The following PIK3C3 variants were observed in gnomAD, a reference collection of about 807,000 sequenced individuals.
The protein encoded by PIK3C3 is phosphatidylinositol 3-kinase catalytic subunit type 3.
Under a neutral mutation model 126.1 loss-of-function variants are expected in PIK3C3, and 95 were observed. That is an observed-to-expected ratio of 0.75 (90% CI 0.64 to 0.89). The LOEUF (loss-of-function observed/expected upper bound fraction) is 0.89, where lower values mean the gene tolerates loss of function less well. Ranked by LOEUF, PIK3C3 falls within the 40% of genes least tolerant of loss-of-function variation. PIK3C3 has a pLI of 0.00. For missense variants in PIK3C3, 829 were observed against 1,063.2 expected, an observed-to-expected ratio of 0.78 and a Z score of 3.06; for synonymous variants, 374 against 360.0, an observed-to-expected ratio of 1.04 and a Z score of -0.44.
chr18:42,057,830 C>G, intron 21 of PIK3C3, 53 bp from the exon 22 acceptor site: 2 of 1,506,690 alleles, frequency 1.3e-6, no homozygotes, highest in Non-Finnish European at 1.8e-6. Flanking sequence ...ATATCACCTA[C>G]CCAGTTCTTT....
chr18:42,007,891 ATT>A (rs1299751647), intron 10 of PIK3C3, among the ~76,000 whole-genome samples: 1 of 152,102 alleles, frequency 6.6e-6, no homozygotes, highest in African/African-American at 2.4e-5. Flanking sequence ...CGCTTTTAGT[ATT>A]TCACTCTAAT....
intron 10 of PIK3C3, among the ~76,000 whole-genome samples, chr18:42,012,532 T>G (rs1982876407): frequency 6.6e-6 from 1 of 152,176 alleles, no homozygotes; most frequent in Admixed American, 6.5e-5. Context: ...TAAAAATTTT[T>G]TGAGCTTTGC....
chr18:42,054,189 T>TATAA (rs1758953615), intron 21 of PIK3C3, among the ~76,000 whole-genome samples: 1 of 94,392 alleles, frequency 1.1e-5, no homozygotes, highest in Admixed American at 1.2e-4. Flanking sequence ...TATATATATA[T>TATAA]ATAAAGGGGA....
chr18:41,972,052 A>G (rs931921621), intron 4 of PIK3C3, among the ~76,000 whole-genome samples: 5 of 152,110 alleles, frequency 3.3e-5, no homozygotes, highest in Non-Finnish European at 7.4e-5. Flanking sequence ...TGTATGGAGT[A>G]TAATCATTGG....
At chr18:42,003,816 A>G (rs1037827653) in intron 9 of PIK3C3, among the ~76,000 whole-genome samples, 1 of 152,168 alleles carries the variant, frequency 6.6e-6, no homozygotes, top group Non-Finnish European at 1.5e-5. Flanking sequence ...CTTTTTAAGT[A>G]GTTACTTCAC....
intron 21 of PIK3C3, chr18:42,057,679 T>C (rs1437711254): frequency 2.0e-6 from 1 of 507,514 alleles, no homozygotes; most frequent in Non-Finnish European, 3.4e-6. Context: ...TAGTTTCGTG[T>C]GAACGAATGA....
At chr18:41,997,861 A>G (rs927976190) in intron 9 of PIK3C3, among the ~76,000 whole-genome samples, 3 of 152,306 alleles carry the variant, frequency 2.0e-5, no homozygotes, top group East Asian at 3.9e-4. Context: ...AGAGAATTAT[A>G]GAGAAAACAT....
intron 24 of PIK3C3, among the ~76,000 whole-genome samples, chr18:42,076,194 ACACATATATATATGCACATATATATATG>A (rs1356176301): frequency 2.0e-5 from 2 of 99,534 alleles, no homozygotes; most frequent in African/African-American, 1.2e-4. Context: ...ATATATATGC[ACACATATATATATGCACATATATATATG>A]CATATATATA....
intron 19 of PIK3C3, among the ~76,000 whole-genome samples, chr18:42,042,853 A>G (rs1012948096): frequency 2.0e-5 from 3 of 152,314 alleles, no homozygotes; most frequent in African/African-American, 4.8e-5. Context: ...CCAAACTTCA[A>G]ACTCTTCGTA....
chr18:41,993,041 T>G (rs1309136687), intron 6 of PIK3C3, among the ~76,000 whole-genome samples: 2 of 152,118 alleles, frequency 1.3e-5, no homozygotes, highest in East Asian at 3.8e-4. Context: ...CCTCTAAAAC[T>G]TTAGTAAGAA....
intron 21 of PIK3C3, chr18:42,050,776 G>T (rs967106121): frequency 6.6e-6 from 1 of 152,176 alleles, no homozygotes; most frequent in African/African-American, 2.4e-5. Context: ...CCTTTATTGG[G>T]GCCTTGTGGC....
intron 9 of PIK3C3, among the ~76,000 whole-genome samples, chr18:41,997,260 T>A (rs1461043539): frequency 6.6e-6 from 1 of 151,978 alleles, no homozygotes; most frequent in Admixed American, 6.6e-5. Context: ...GAAATATAAT[T>A]TGAGATGTGG....
chr18:41,973,870 A>T (rs1397037607), intron 4 of PIK3C3, among the ~76,000 whole-genome samples: 2 of 152,172 alleles, frequency 1.3e-5, no homozygotes, highest in Admixed American at 6.5e-5. Context: ...ATGAGGGTTA[A>T]GTAGTTAGAA....
chr18:41,991,278 C>T (rs1001152897), intron 6 of PIK3C3, among the ~76,000 whole-genome samples: 2 of 152,058 alleles, frequency 1.3e-5, no homozygotes, highest in Non-Finnish European at 2.9e-5. Context: ...AATTCCAGCA[C>T]TGTGGTTGGC....
At chr18:42,018,419 T>G (rs983914170) in intron 12 of PIK3C3, among the ~76,000 whole-genome samples, 3 of 152,166 alleles carry the variant, frequency 2.0e-5, no homozygotes, top group African/African-American at 7.2e-5. Context: ...TATAATGTTC[T>G]TGGCAGATAG....
At chr18:42,000,770 T>C (rs1982248812) in intron 9 of PIK3C3, among the ~76,000 whole-genome samples, 1 of 152,004 alleles carries the variant, frequency 6.6e-6, no homozygotes, top group African/African-American at 2.4e-5. Context: ...GCAAGGAAAC[T>C]CCCCCTTATA....
rs1360379227 is a variant in PIK3C3, at chr18:42,011,932, A to AAC, written c.1171-1506_1171-1505dup. On this transcript the variant is annotated intron_variant, in intron 10 of 24. Coordinates refer to ENST00000262039, the MANE Select transcript of PIK3C3 (RefSeq NM_002647.4). Reference sequence around the variant, plus strand: ...AACGGCTGGTTGTTGGATTAGTCAGAACACATTCAACATTAATTGATTAAG... The same window carrying AAC: ...AACGGCTGGTTGTTGGATTAGTCAGAACACACATTCAACATTAATTGATTAAG... Among the ~76,000 whole-genome samples the AAC allele has an allele frequency of 1.1e-3, 166 of 152,300 alleles. 3 individuals carry two copies. Among genetic ancestry groups the AAC allele is most frequent in the African/African-American group, 3.9e-3 (161 of 41,556 alleles).
At chr18:41,989,146 C>G (rs1981647415) in intron 5 of PIK3C3, among the ~76,000 whole-genome samples, 1 of 151,924 alleles carries the variant, frequency 6.6e-6, no homozygotes, top group Non-Finnish European at 1.5e-5. Context: ...CTGGAGTACA[C>G]TGGTATGCTT....
intron 21 of PIK3C3, among the ~76,000 whole-genome samples, chr18:42,054,138 A>G (rs4988829): frequency 3.3e-4 from 7 of 21,318 alleles, no homozygotes; most frequent in East Asian, 1.5e-3. Flanking sequence ...ATATATATAT[A>G]TATATATATA....
Sources: gnomAD v4.1 joint callset for allele counts (sites outside exome capture counted in the v4.1 genomes callset) on GRCh38, gnomAD v4.1.1 for gene constraint, MANE v1.5 for transcripts, NCBI Gene and HGNC (gene_info 2026-07-23, HGNC 2026-07-21) for gene names.